Variants in FYN observed in about 807,000 individuals in gnomAD.
FYN encodes FYN proto-oncogene, Src family tyrosine kinase, also known as tyrosine-protein kinase Fyn.
FYN carries 10 observed loss-of-function variants against 70.2 expected under a neutral mutation model. The observed-to-expected ratio is 0.14, with a 90% CI of 0.09 to 0.24. The LOEUF is 0.24. Ranked by LOEUF, FYN falls within the 10% of genes least tolerant of loss-of-function variation. The pLI is 1.00. For missense variants in FYN, 319 were observed against 673.1 expected, an observed-to-expected ratio of 0.47 and a Z score of 5.82; for synonymous variants, 236 against 248.6, an observed-to-expected ratio of 0.95 and a Z score of 0.48.
chr6:111,861,822 G>A (rs771294927), intron 1 of FYN, among the ~76,000 whole-genome samples: 30 of 152,228 alleles, frequency 2.0e-4, no homozygotes, highest in Non-Finnish European at 3.4e-4. Context: ...ATTTTATAAA[G>A]CTTGTTTTCA....
intron 4 of FYN, among the ~76,000 whole-genome samples, chr6:111,716,871 G>A (rs548642999): frequency 3.4e-5 from 5 of 148,906 alleles, no homozygotes; most frequent in South Asian, 4.2e-4. Flanking sequence ...TGCAACCTCC[G>A]CCTCCCGGGT....
chr6:111,718,384 A>C (rs1206819963), intron 4 of FYN, among the ~76,000 whole-genome samples: 1 of 152,228 alleles, frequency 6.6e-6, no homozygotes, highest in African/African-American at 2.4e-5. Flanking sequence ...TTCAAATTTT[A>C]TAAGGGATCA....
chr6:111,735,556 A>G (rs6901612), intron 3 of FYN, among the ~76,000 whole-genome samples: 122,604 of 152,176 alleles, frequency 0.81, 49,919 homozygotes, highest in East Asian at 0.93. Context: ...AAGCAAAAGC[A>G]TTTGCACATT....
At chr6:111,815,935 A>G (rs77292262) in intron 2 of FYN, among the ~76,000 whole-genome samples, 6,982 of 152,192 alleles carry the variant, frequency 0.046, 186 homozygotes, top group East Asian at 0.14. Context: ...CCTAAGCTCA[A>G]GCAATCCACC....
intron 2 of FYN, among the ~76,000 whole-genome samples, chr6:111,817,219 T>G (rs901949452): frequency 1.3e-5 from 2 of 152,038 alleles, no homozygotes; most frequent in Non-Finnish European, 2.9e-5. Flanking sequence ...TTTTTCTGTA[T>G]TTTTGTTTTT....
At chr6:111,778,643 ACT>A (rs1771046622) in intron 3 of FYN, among the ~76,000 whole-genome samples, 1 of 149,836 alleles carries the variant, frequency 6.7e-6, no homozygotes, top group South Asian at 2.1e-4. Flanking sequence ...GTCTTGGCTT[ACT>A]GCAACCTCTG....
chr6:111,816,826 G>C (rs1401532004), intron 2 of FYN, among the ~76,000 whole-genome samples: 1 of 152,158 alleles, frequency 6.6e-6, no homozygotes, highest in Non-Finnish European at 1.5e-5. Context: ...AGTATTCAAA[G>C]ACATGTTGCA....
chr6:111,774,166 T>G (rs1803614789), intron 3 of FYN, among the ~76,000 whole-genome samples: 1 of 152,210 alleles, frequency 6.6e-6, no homozygotes, highest in African/African-American at 2.4e-5. Flanking sequence ...ACTGGGGTTT[T>G]AGAGAGCCTG....
At chr6:111,723,660 A>T (rs908284031) in intron 3 of FYN, among the ~76,000 whole-genome samples, 5 of 152,246 alleles carry the variant, frequency 3.3e-5, no homozygotes, top group African/African-American at 1.2e-4. Context: ...CAGAAGAGTC[A>T]GAAGACGCTA....
At chr6:111,872,471 G>A (rs1774307974) in intron 1 of FYN, among the ~76,000 whole-genome samples, 1 of 150,844 alleles carries the variant, frequency 6.6e-6, no homozygotes, top group African/African-American at 2.4e-5. Context: ...GCCAGAAATA[G>A]GCAGGAGGAT....
intron 1 of FYN, among the ~76,000 whole-genome samples, chr6:111,853,055 T>C (rs1278851815): frequency 6.6e-6 from 1 of 152,184 alleles, no homozygotes; most frequent in African/African-American, 2.4e-5. Context: ...CCTGAGCTTT[T>C]GCATGTCAGT....
At chr6:111,790,354 T>C (rs903850479) in intron 2 of FYN, among the ~76,000 whole-genome samples, 2 of 149,248 alleles carry the variant, frequency 1.3e-5, no homozygotes, top group African/African-American at 5.0e-5. Flanking sequence ...ACAGCTCTGG[T>C]TCAAGAGGGA....
At chr6:111,805,409 A>G (rs993784269) in intron 2 of FYN, among the ~76,000 whole-genome samples, 2 of 152,234 alleles carry the variant, frequency 1.3e-5, no homozygotes, top group African/African-American at 4.8e-5. Context: ...TATCTGAGAT[A>G]CAAATTTAAC....
intron 12 of FYN, among the ~76,000 whole-genome samples, chr6:111,684,263 G>T (rs1262732808): frequency 2.0e-5 from 3 of 152,130 alleles, no homozygotes; most frequent in Non-Finnish European, 4.4e-5. Context: ...ATATTGCAAA[G>T]ATAAGGTTGA....
At chr6:111,745,403 T>C (rs1802162403) in intron 3 of FYN, among the ~76,000 whole-genome samples, 1 of 152,102 alleles carries the variant, frequency 6.6e-6, no homozygotes, top group Non-Finnish European at 1.5e-5. Flanking sequence ...AGGATGGGCA[T>C]CTGAGTGGGG....
At chr6:111,803,807 G>A (rs533909567) in intron 2 of FYN, among the ~76,000 whole-genome samples, 32 of 152,340 alleles carry the variant, frequency 2.1e-4, no homozygotes, top group African/African-American at 7.5e-4. Flanking sequence ...CAGCGCAAAT[G>A]TAGAGTTTCC....
chr6:111,697,312 C>T (rs1252509339), intron 9 of FYN, among the ~76,000 whole-genome samples: 1 of 152,134 alleles, frequency 6.6e-6, no homozygotes, highest in Non-Finnish European at 1.5e-5. Context: ...AAAACCATAC[C>T]TAGGTTCTTT....
At chr6:111,828,423 T>C (rs1392000460) in intron 2 of FYN, among the ~76,000 whole-genome samples, 2 of 152,216 alleles carry the variant, frequency 1.3e-5, no homozygotes, top group East Asian at 3.9e-4. Flanking sequence ...AGTTGAAAAA[T>C]TGAAAACGGG....
At position 111,857,861 on chromosome 6, in the gene FYN, G is replaced by A. The variant is rs12527269; in HGVS notation, c.-122-11232C>T. The stretch of plus-strand genomic sequence containing the variant: ...GGAGATTACAGACCATCACAGTGAT[G>A]GGGAGAGGATTGAGTCTAGGTGCTG... On this transcript the variant is annotated intron_variant, in intron 1 of 13. Transcript: ENST00000354650. 1.9e-3 allele frequency among the ~76,000 whole-genome samples: 284 copies of A among 152,272 alleles called. 4 individuals carry two copies. The highest frequency in any genetic ancestry group is 0.014 in the Admixed American group (221 of 15,302).
Sources: gnomAD v4.1 joint callset for allele counts (sites outside exome capture counted in the v4.1 genomes callset) on GRCh38, gnomAD v4.1.1 for gene constraint, MANE v1.5 for transcripts, NCBI Gene and HGNC (gene_info 2026-07-23, HGNC 2026-07-21) for gene names.